The following HDHD5 variants were observed in gnomAD, a reference collection of about 807,000 sequenced individuals.
HDHD5 encodes haloacid dehalogenase-like hydrolase domain-containing 5.
Under a neutral mutation model 35.5 loss-of-function variants are expected in HDHD5, and 34 were observed. That is an observed-to-expected ratio of 0.96 (90% CI 0.73 to 1.28). HDHD5 has a LOEUF of 1.28. Ranked by LOEUF, HDHD5 falls within the 50% of genes most tolerant of loss-of-function variation. HDHD5 has a pLI of 0.00. For missense variants in HDHD5, 589 were observed against 560.2 expected, an observed-to-expected ratio of 1.05 and a Z score of -0.52; for synonymous variants, 248 against 240.6, an observed-to-expected ratio of 1.03 and a Z score of -0.29.
chr22:17,149,716 G>C lies in HDHD5; in HGVS notation c.156C>G (p.Asp52Glu). 4 of 1,614,094 alleles carry C rather than the reference G, an allele frequency of 2.5e-6. No homozygotes were observed. Among genetic ancestry groups the C allele is most frequent in the Non-Finnish European group, 3.4e-6 (4 of 1,180,036 alleles). ...GGCCCCGCACAAGCACTCCATCGATGTCCAACAGGAACCCAAAGGTGGGTG... is the reference window on the plus strand; with the variant it reads ...GGCCCCGCACAAGCACTCCATCGATCTCCAACAGGAACCCAAAGGTGGGTG... ...QSPPTFGFLL[D>E]IDGVLVRGHR... Residue 52 changes from aspartate (D) to glutamate (E), a missense_variant, in exon 2 of 8, where the codon GAC becomes GAG. Transcript: ENST00000336737.
chr22:17,145,179 T>C (rs1405605115), intron 3 of HDHD5, 62 bp from the exon 4 acceptor site: 3 of 1,602,692 alleles, frequency 1.9e-6, no homozygotes, highest in African/African-American at 2.7e-5. Context: ...TCTGAATGCA[T>C]CAAATCACAA....
In HDHD5 at chr22:17,146,523, G is replaced by A. The variant is rs174780; in HGVS notation, c.444-1406C>T. On this transcript the variant is annotated intron_variant, in intron 3 of 7. Coordinates refer to ENST00000336737, the MANE Select transcript of HDHD5 (RefSeq NM_033070.3). The stretch of plus-strand genomic sequence containing the variant: ...TGAGCTTACCGGCCTTCAATCACAC[G>A]TCATCGCACACGCCCCACACCTGTG... Among the ~76,000 whole-genome samples, 418 of 130,124 alleles carry A rather than the reference G, an allele frequency of 3.2e-3. 9 individuals carry two copies. The highest frequency in any genetic ancestry group is 0.012 in the African/African-American group (388 of 33,198). 85.4% of individuals were successfully genotyped at this position (130,124 alleles called of 152,430 possible).
intron 1 of HDHD5, among the ~76,000 whole-genome samples, chr22:17,164,811 G>A (rs2123888960): frequency 6.6e-6 from 1 of 152,304 alleles, no homozygotes; most frequent in South Asian, 2.1e-4. Context: ...GATAAAAGGA[G>A]GGAAACTGGC....
At chr22:17,150,116 A>G (rs1200781352) in intron 1 of HDHD5, among the ~76,000 whole-genome samples, 2 of 152,090 alleles carry the variant, frequency 1.3e-5, no homozygotes, top group Non-Finnish European at 2.9e-5. Context: ...AGTCCAGCCT[A>G]ATCCCAACAC....
chr22:17,153,449 C>T (rs2061751077), intron 1 of HDHD5, among the ~76,000 whole-genome samples: 1 of 152,136 alleles, frequency 6.6e-6, no homozygotes, highest in African/African-American at 2.4e-5. Context: ...CAGCTCCCAG[C>T]TGTGAGTTCC....
rs538294332 is a variant in HDHD5, at chr22:17,150,238, TATC to T, written c.127-496_127-494del. On this transcript the variant is annotated intron_variant, in intron 1 of 7. Coordinates refer to ENST00000336737, the MANE Select transcript of HDHD5 (RefSeq NM_033070.3). ...TCATCTCGTTCTTTTTTGCTTGACATATCATAAATATTTTTATGGATTACAATA... is the reference window on the plus strand; with the variant it reads ...TCATCTCGTTCTTTTTTGCTTGACATATAAATATTTTTATGGATTACAATA... Among the ~76,000 whole-genome samples, 313 of 152,358 alleles carry T rather than the reference TATC, an allele frequency of 2.1e-3. 4 individuals carry two copies. Among genetic ancestry groups the T allele is most frequent in the Admixed American group, 0.015 (235 of 15,306 alleles).
In HDHD5 at chr22:17,141,168, G is replaced by A. The variant is rs1217751772; in HGVS notation, c.637C>T (p.Leu213Phe). The A allele has an allele frequency of 3.8e-6, 6 of 1,597,398 alleles. No individual in the cohort carries two copies. The highest frequency in any genetic ancestry group is 5.1e-6 in the Non-Finnish European group (6 of 1,172,782). ...TSLQLIMDVL[L>F]SNGSPGAGLA... is the part of the protein sequence containing the mutation. ...CCAGCCCCAGGGCTCCCATTGCTGA[G>A]GAGGACATCCATGATCAGCTGCAGG... The change falls in exon 6 of 8, where the codon CTC (leucine) becomes TTC (phenylalanine). Residue 213 changes from leucine to phenylalanine, a missense_variant. Transcript: ENST00000336737.
intron 3 of HDHD5, 87 bp from the exon 4 acceptor site, chr22:17,145,204 A>G: frequency 6.4e-7 from 1 of 1,568,852 alleles, no homozygotes; most frequent in South Asian, 1.1e-5. Flanking sequence ...AGGGAACACA[A>G]CCCACTCCTG....
At chr22:17,158,385 G>A (rs1342223210) in intron 1 of HDHD5, 1 of 152,188 alleles carries the variant, frequency 6.6e-6, no homozygotes, top group Admixed American at 6.5e-5. Context: ...GCGTTTAGAA[G>A]ACAAAGTGAT....
At position 17,145,025 on chromosome 22, in the gene HDHD5, G is replaced by A. The variant is rs35665085; in HGVS notation, c.536C>T (p.Thr179Met). The change falls in exon 4 of 8, where the codon ACG (threonine) becomes ATG (methionine). Residue 179 changes from threonine to methionine, a missense_variant and splice_region_variant. By Grantham distance (81) the Thr-to-Met change is moderately conservative. Transcript: ENST00000336737. The stretch of plus-strand genomic sequence containing the variant: ...AGCCCAACCCATGCTCCTTATTACC[G>A]TGGTCTTTAGCCGCCGCTCCAGGTC... ...MVDLERRLKT[T>M]PLPRNDFPRI... 79,917 of 1,613,648 alleles carry A rather than the reference G, an allele frequency of 0.05. 2,254 individuals carry two copies. Among genetic ancestry groups the A allele is most frequent in the Non-Finnish European group, 0.057 (66,748 of 1,179,884 alleles).
upstream of HDHD5, among the ~76,000 whole-genome samples, chr22:17,163,162 G>A (rs1166592484): frequency 6.6e-6 from 1 of 152,306 alleles, no homozygotes; most frequent in South Asian, 2.1e-4. Flanking sequence ...GAAGGGCCTC[G>A]CCAGTCTTCA....
intron 3 of HDHD5, 51 bp downstream of exon 3, chr22:17,148,397 C>A: frequency 4.1e-6 from 6 of 1,451,550 alleles, no homozygotes; most frequent in Non-Finnish European, 5.8e-6. Context: ...AGGGAGGAAA[C>A]ACCTCAGCCC....
intron 6 of HDHD5, among the ~76,000 whole-genome samples, chr22:17,140,020 T>C (rs1196850894): frequency 6.6e-6 from 1 of 152,190 alleles, no homozygotes; most frequent in Admixed American, 6.5e-5. Flanking sequence ...CCTCTAGGAA[T>C]AATACTTCAG....
rs143628437 is a variant in HDHD5, at chr22:17,141,229, C to A, written c.576G>T (p.Val192=). 1.4e-5 allele frequency: 23 copies of A among 1,590,658 alleles called. No individual in the cohort carries two copies. Among genetic ancestry groups the A allele is most frequent in the Non-Finnish European group, 1.9e-5 (22 of 1,170,312 alleles). ...PRNDFPRIEG[V]LLLGEPVRWE... ...AGCGGACCGGCTCCCCTAGGAGGAG[C>A]ACCCCTTTAAAGAACAGAGGCGCAG... is the stretch of plus-strand genomic sequence containing the variant. Residue 192 remains valine (V), a synonymous_variant, in exon 6 of 8, where the codon GTG becomes GTT. Coordinates refer to ENST00000336737, the MANE Select transcript of HDHD5 (RefSeq NM_033070.3).
intron 3 of HDHD5, among the ~76,000 whole-genome samples, chr22:17,147,866 C>T (rs116373868): frequency 0.015 from 2,218 of 152,364 alleles, 50 homozygotes; most frequent in African/African-American, 0.05. Flanking sequence ...ATTCTTGCCT[C>T]CAGCACAAGC....
At chr22:17,163,024 G>T (rs1158784032), upstream of HDHD5, among the ~76,000 whole-genome samples, 2 of 152,192 alleles carry the variant, frequency 1.3e-5, no homozygotes, top group African/African-American at 2.4e-5. Context: ...TTCAGGTTCA[G>T]AATATTTGCT....
intron 1 of HDHD5, among the ~76,000 whole-genome samples, chr22:17,154,590 G>A (rs2061763436): frequency 6.6e-6 from 1 of 151,050 alleles, no homozygotes; most frequent in Admixed American, 6.6e-5. Flanking sequence ...CTGGCATCGT[G>A]GTTATGTTCA....
At chr22:17,164,374 T>C (rs2061880221) in intron 1 of HDHD5, among the ~76,000 whole-genome samples, 1 of 152,224 alleles carries the variant, frequency 6.6e-6, no homozygotes, top group African/African-American at 2.4e-5. Context: ...GGTTTGGCTG[T>C]AAGACACAGA....
intron 6 of HDHD5, among the ~76,000 whole-genome samples, chr22:17,140,202 G>A (rs1345379596): frequency 3.3e-5 from 5 of 152,208 alleles, no homozygotes; most frequent in Non-Finnish European, 5.9e-5. Context: ...AGACTCAAGA[G>A]ACTGGCCATG....
Sources: allele counts gnomAD v4.1 joint callset (sites outside exome capture counted in the v4.1 genomes callset), GRCh38; gene constraint gnomAD v4.1.1; transcripts MANE v1.5; gene names NCBI Gene and HGNC (gene_info 2026-07-23, HGNC 2026-07-21).